Variants in KCNMA1 observed in about 807,000 individuals in gnomAD.
KCNMA1 encodes the protein potassium calcium-activated channel subfamily M alpha 1.
KCNMA1 carries 29 observed loss-of-function variants against 140.0 expected under a neutral mutation model. The ratio of observed to expected loss-of-function variants is 0.21; its 90% CI spans 0.15 to 0.28. The LOEUF (loss-of-function observed/expected upper bound fraction) is 0.28. Among genes scored for constraint, KCNMA1 ranks in the 10% least tolerant of loss-of-function variants. The pLI is 1.00. For missense variants in KCNMA1, 880 were observed against 1,602.2 expected (o/e 0.55, Z 7.70); for synonymous variants, 612 against 611.9 (o/e 1.00, Z 0.00).
At chr10:77,424,832 G>T (rs2096941813) in intron 1 of KCNMA1, among the ~76,000 whole-genome samples, 1 of 152,230 alleles carries the variant, frequency 6.6e-6, no homozygotes, top group African/African-American at 2.4e-5. Flanking sequence ...GGGCCCCCTT[G>T]TTCTTTCTCA....
chr10:77,070,163 T>C (rs1345784973), intron 14 of KCNMA1, among the ~76,000 whole-genome samples: 2 of 152,084 alleles, frequency 1.3e-5, no homozygotes, highest in African/African-American at 4.8e-5. Flanking sequence ...ACTTTCAGTC[T>C]TGGCATTTTG....
chr10:77,251,346 C>T (rs757217565), intron 2 of KCNMA1, 90 bp from the exon 3 acceptor site: 6 of 956,054 alleles, frequency 6.3e-6, no homozygotes, highest in East Asian at 5.1e-5. Context: ...CTTTGAAATA[C>T]GGTGCCCATT....
At chr10:77,560,817 C>T (rs1459261869) in intron 1 of KCNMA1, among the ~76,000 whole-genome samples, 1 of 152,248 alleles carries the variant, frequency 6.6e-6, no homozygotes, top group Admixed American at 6.5e-5. Context: ...CTCATTCTCT[C>T]TTTATAAAGT....
chr10:77,600,748 AACACAC>A (rs60159761), intron 1 of KCNMA1, among the ~76,000 whole-genome samples: 2 of 150,408 alleles, frequency 1.3e-5, no homozygotes, highest in African/African-American at 4.9e-5. Flanking sequence ...CTCCATCTCA[AACACAC>A]ACACACACAC....
intron 5 of KCNMA1, among the ~76,000 whole-genome samples, chr10:77,182,669 G>T (rs1598135437): frequency 6.6e-6 from 1 of 152,146 alleles, no homozygotes. Flanking sequence ...AGTCCTCCAG[G>T]TTCTGTTTCG....
rs71028276 is a variant in KCNMA1, at chr10:77,431,681, TAAAAAAAAAAAAAAAAAAAA to T, written c.379-27678_379-27659del. On this transcript the variant is annotated intron_variant, in intron 1 of 27. Coordinates refer to ENST00000286628, the MANE Select transcript of KCNMA1 (RefSeq NM_001161352.2). The stretch of plus-strand genomic sequence containing the variant: ...CATGCCCCTGAAGTCTGGTCTGTTG[TAAAAAAAAAAAAAAAAAAAA>T]AAAAAAAAAAAAAAGGCCGGGAGCG... 4.8e-3 allele frequency among the ~76,000 whole-genome samples: 359 copies of T among 75,494 alleles called. 4 individuals carry two copies. Among genetic ancestry groups the T allele is most frequent in the African/African-American group, 0.015 (317 of 20,724 alleles). The allele number at this position is 75,494 out of a possible 152,430, so 49.5% of individuals were successfully genotyped here.
chr10:77,245,832 T>C (rs941223063), intron 3 of KCNMA1, among the ~76,000 whole-genome samples: 9 of 152,218 alleles, frequency 5.9e-5, no homozygotes, highest in African/African-American at 2.2e-4. Context: ...CAATCAGCTC[T>C]CCTTGTTTTT....
downstream of KCNMA1, chr10:76,884,041 T>G (rs566526113): frequency 2.1e-6 from 2 of 943,120 alleles, no homozygotes; most frequent in Admixed American, 1.2e-4. Flanking sequence ...CAAAATTCCA[T>G]CTCTTATCAT....
At chr10:77,554,079 C>G (rs1246918953) in intron 1 of KCNMA1, among the ~76,000 whole-genome samples, 6 of 152,102 alleles carry the variant, frequency 3.9e-5, no homozygotes, top group Non-Finnish European at 7.3e-5. Context: ...CACAGGGTTC[C>G]TCACTGGGCG....
intron 25 of KCNMA1, chr10:76,901,970 G>A (rs1199139253): frequency 6.6e-6 from 1 of 152,242 alleles, no homozygotes; most frequent in African/African-American, 2.4e-5. Flanking sequence ...TATCTCTTCA[G>A]GATCTGAATA....
intron 20 of KCNMA1, among the ~76,000 whole-genome samples, chr10:76,963,758 A>G (rs908948819): frequency 9.9e-5 from 15 of 152,278 alleles, no homozygotes; most frequent in African/African-American, 3.1e-4. Context: ...AAACAAGCAA[A>G]TTAAATACTA....
Position 77,421,220 on chromosome 10 carries a change from A to G in KCNMA1, c.379-17197T>C, listed in dbSNP as rs181912363. On this transcript the variant is annotated intron_variant, in intron 1 of 27. Transcript: ENST00000286628. ...CATGTCCTAGGTTTCCTTTTCCTGT[A>G]ACAACCTTCTTCACACAGTCATATT... Among the ~76,000 whole-genome samples the G allele has an allele frequency of 9.0e-4, 137 of 152,330 alleles. 1 individual carries two copies. Among genetic ancestry groups the G allele is most frequent in the African/African-American group, 3.2e-3 (133 of 41,580 alleles).
chr10:77,084,509 G>T, intron 12 of KCNMA1, 128 bp downstream of exon 12: 2 of 767,822 alleles, frequency 2.6e-6, no homozygotes, highest in Non-Finnish European at 4.5e-6. Context: ...TATGCAGCTG[G>T]TGAGTTGTAC....
chr10:77,223,678 C>G (rs989670421), intron 3 of KCNMA1, among the ~76,000 whole-genome samples: 1 of 152,042 alleles, frequency 6.6e-6, no homozygotes, highest in Non-Finnish European at 1.5e-5. Context: ...TGCCTTTTTT[C>G]CTTCCTCAAT....
intron 24 of KCNMA1, chr10:76,910,457 T>G (rs929111665): frequency 3.0e-6 from 1 of 330,928 alleles, no homozygotes; most frequent in African/African-American, 2.1e-5. Flanking sequence ...GATGGACATA[T>G]TTCAATGATG....
chr10:77,299,304 C>A (rs576744810), intron 2 of KCNMA1, among the ~76,000 whole-genome samples: 1 of 152,184 alleles, frequency 6.6e-6, no homozygotes, highest in Non-Finnish European at 1.5e-5. Flanking sequence ...GCCTTCCCTC[C>A]CATCTGAAAT....
At chr10:77,217,514 A>G in intron 3 of KCNMA1, 1 of 456,600 alleles carries the variant, frequency 2.2e-6, no homozygotes, top group South Asian at 1.5e-5. Flanking sequence ...CCACCCTGGA[A>G]TTTCCTGCAT....
intron 1 of KCNMA1, among the ~76,000 whole-genome samples, chr10:77,532,782 A>AT (rs11448177): frequency 0.17 from 26,499 of 152,168 alleles, 2,579 homozygotes; most frequent in African/African-American, 0.26. Flanking sequence ...AGTAACCCTG[A>AT]TAGTCAATAG....
At chr10:77,620,223 C>T (rs1443494439) in intron 1 of KCNMA1, among the ~76,000 whole-genome samples, 2 of 152,136 alleles carry the variant, frequency 1.3e-5, no homozygotes, top group African/African-American at 4.8e-5. Flanking sequence ...TGCAACCATC[C>T]TCACCACAGC....
Sources: allele counts gnomAD v4.1 joint callset (sites outside exome capture counted in the v4.1 genomes callset), GRCh38; gene constraint gnomAD v4.1.1; transcripts MANE v1.5; gene names NCBI Gene and HGNC (gene_info 2026-07-23, HGNC 2026-07-21).